Variants in ABCA9 observed in about 807,000 individuals in gnomAD.
ABCA9 encodes the protein ATP-binding cassette sub-family A member 9.
Under a neutral mutation model 205.3 loss-of-function variants are expected in ABCA9, and 183 were observed. That is an observed-to-expected ratio of 0.89 (90% confidence interval 0.79 to 1.01). ABCA9 has a LOEUF of 1.01. ABCA9 is among the 50% of genes least tolerant of loss of function. ABCA9 has a pLI of 0.00. For synonymous variants in ABCA9, 651 were observed against 683.3 expected (o/e 0.95, Z 0.74); for missense variants, 1,805 against 1,912.4 (o/e 0.94, Z 1.05).
chr17:69,019,504 C>T (rs968410315), intron 19 of ABCA9, among the ~76,000 whole-genome samples: 1 of 152,070 alleles, frequency 6.6e-6, no homozygotes, highest in Non-Finnish European at 1.5e-5. Flanking sequence ...TCAAAATCTC[C>T]CTGAGCTTTC....
At chr17:69,056,617 C>G (rs1335281178) in intron 1 of ABCA9, among the ~76,000 whole-genome samples, 1 of 152,174 alleles carries the variant, frequency 6.6e-6, no homozygotes, top group Non-Finnish European at 1.5e-5. Flanking sequence ...TTTCAACACT[C>G]TACAATCTCT....
At chr17:69,048,884 G>A (rs2071808175) in intron 3 of ABCA9, among the ~76,000 whole-genome samples, 1 of 152,072 alleles carries the variant, frequency 6.6e-6, no homozygotes, top group South Asian at 2.1e-4. Context: ...ATACTTTGTG[G>A]TACAAGGAAA....
intron 37 of ABCA9, among the ~76,000 whole-genome samples, chr17:68,979,473 C>T (rs1175489684): frequency 2.7e-5 from 4 of 150,808 alleles, no homozygotes. Context: ...CCTGCATTGC[C>T]AAGTCAATCC....
chr17:69,005,641 TTTTC>T (rs1337765551), intron 25 of ABCA9, among the ~76,000 whole-genome samples: 1 of 152,240 alleles, frequency 6.6e-6, no homozygotes, highest in Non-Finnish European at 1.5e-5. Flanking sequence ...TCCACTTCGG[TTTTC>T]TTTGTTTCGT....
intron 22 of ABCA9, among the ~76,000 whole-genome samples, chr17:69,014,304 T>C (rs2070498405): frequency 6.6e-6 from 1 of 152,144 alleles, no homozygotes; most frequent in African/African-American, 2.4e-5. Context: ...ACACAGAGTT[T>C]ATTAAAAACA....
chr17:68,984,933 A>G lies in ABCA9; in HGVS notation c.4331T>C (p.Leu1444Pro), dbSNP rs781705697. Reference protein sequence around the residue: ...SILGNPSVVLLDEPSTGMDPE... With the variant: ...SILGNPSVVLPDEPSTGMDPE... ...GTCCATCCCGGTCGACGGCTCATCC[A>G]GAAGCACCACTGACGGGTTCCCCAG... The change falls in exon 34 of 39, where the codon CTG becomes CCG. Residue 1444 changes from leucine (L) to proline (P), a missense_variant. Transcript: ENST00000340001. The G allele has an allele frequency of 1.2e-6, 2 of 1,614,166 alleles. No individual in the cohort carries two copies. The highest frequency in any genetic ancestry group is 1.7e-6 in the Non-Finnish European group (2 of 1,180,032).
Position 69,043,583 on chromosome 17 carries a change from T to G in ABCA9, c.706A>C (p.Thr236Pro), listed in dbSNP as rs1400818231. The change falls in exon 6 of 39, where the codon ACA becomes CCA. Residue 236 changes from threonine (T) to proline (P), a missense_variant. Thr to Pro is a conservative substitution (Grantham distance 38). Transcript: ENST00000340001. ...FIFFCIISFS[T>P]FIYYVSVNVT... ...TTGACTGATACATAGTATATAAATG[T>G]AGAAAAAGAAATAATGCAAAAGAAA... The G allele has an allele frequency of 1.2e-6, 2 of 1,612,440 alleles. No homozygotes were observed. The highest frequency in any genetic ancestry group is 1.7e-6 in the Non-Finnish European group (2 of 1,179,168).
Position 69,024,187 on chromosome 17 carries a change from C to T in ABCA9, c.2281+27G>A, listed in dbSNP as rs10512522. 0.01 allele frequency: 16,562 copies of T among 1,609,148 alleles called. 1,345 individuals are homozygous for T. In the African/African-American group the frequency reaches 0.19, roughly 18 times the overall value. The stretch of plus-strand genomic sequence containing the variant: ...ATTGTTAATAACACCATTCCAAAAC[C>T]ATTCTGTCATCTTTACATTTTGTTA... On this transcript the variant is annotated intron_variant, in intron 17 of 38. Transcript: ENST00000340001.
intron 35 of ABCA9, 70 bp from the exon 36 acceptor site, chr17:68,983,919 T>A: frequency 6.2e-7 from 1 of 1,607,732 alleles, no homozygotes; most frequent in African/African-American, 1.3e-5. Context: ...GTTCAGCCTC[T>A]GGAGGCCAGA....
intron 10 of ABCA9, among the ~76,000 whole-genome samples, chr17:69,031,322 T>C (rs926906614): frequency 7.2e-5 from 11 of 152,184 alleles, no homozygotes; most frequent in Non-Finnish European, 1.3e-4. Flanking sequence ...CTTGAAAAGA[T>C]TGCTATGTTT....
the ABCA9 span, among the ~76,000 whole-genome samples, chr17:69,066,609 G>GT: frequency 1.1e-3 from 169 of 147,210 alleles, no homozygotes; most frequent in East Asian, 3.1e-3. Flanking sequence ...GATGGGACAG[G>GT]TTTTTTTTTT....
intron 6 of ABCA9, 196 bp downstream of exon 6, chr17:69,043,293 G>T (rs2071606459): frequency 5.8e-6 from 3 of 519,462 alleles, no homozygotes; most frequent in East Asian, 3.2e-5. Context: ...GAGCAATAGG[G>T]AGTGGCTGTA....
chr17:68,984,092 C>T lies in ABCA9; in HGVS notation c.4463G>A (p.Cys1488Tyr), dbSNP rs1295343011. Residue 1488 changes from cysteine to tyrosine, a missense_variant, in exon 35 of 39, where the codon TGT (cysteine) becomes TAT (tyrosine). By Grantham distance (194) the Cys-to-Tyr change is radical (BLOSUM62 -2). Transcript: ENST00000340001. ...TGACACCATGATGGCCACTCGGTCACACACCGCCTCAGCCTCTGCCATGTA... is the reference window on the plus strand; with the variant it reads ...TGACACCATGATGGCCACTCGGTCATACACCGCCTCAGCCTCTGCCATGTA... ...THYMAEAEAV[C>Y]DRVAIMVSGR... 6.2e-7 allele frequency: 1 copy of T among 1,614,176 alleles called. No homozygotes were observed. Among genetic ancestry groups the T allele is most frequent in the Non-Finnish European group, 8.5e-7 (1 of 1,180,030 alleles).
chr17:69,033,970 A>T, intron 8 of ABCA9, 97 bp from the exon 9 acceptor site: 1 of 985,550 alleles, frequency 1.0e-6, no homozygotes, highest in South Asian at 1.6e-5. Context: ...GCAAAGATAA[A>T]TAAGATATAA....
In ABCA9 at chr17:69,016,252, C is replaced by G. The variant is rs1020596228; in HGVS notation, c.3039+1G>C. 1.3e-6 allele frequency: 2 copies of G among 1,568,264 alleles called. No homozygotes were observed. Among genetic ancestry groups the G allele is most frequent in the East Asian group, 2.3e-5 (1 of 42,764 alleles). ...TATAAATGAGATATAATTATACTTA[C>G]TTCAAAAAATGTGCTTCTGTCAGTC... On this transcript the variant is annotated splice_donor_variant, in intron 22 of 38. Coordinates refer to ENST00000340001, the MANE Select transcript of ABCA9 (RefSeq NM_080283.4). LOFTEE classifies it high-confidence loss of function.
At chr17:68,981,968 C>T (rs1411336211) in intron 37 of ABCA9, among the ~76,000 whole-genome samples, 1 of 149,454 alleles carries the variant, frequency 6.7e-6, no homozygotes, top group Non-Finnish European at 1.5e-5. Context: ...CATACACTAA[C>T]ATGACAGGGA....
chr17:68,989,700 C>T, intron 30 of ABCA9, 113 bp downstream of exon 30: 1 of 677,348 alleles, frequency 1.5e-6, no homozygotes, highest in Non-Finnish European at 2.6e-6. Context: ...GAGGAGCAGG[C>T]TTAGCCTGCT....
intron 22 of ABCA9, 108 bp downstream of exon 22, chr17:69,016,145 A>C (rs2070601572): frequency 3.2e-6 from 2 of 631,472 alleles, no homozygotes; most frequent in Non-Finnish European, 4.8e-6. Flanking sequence ...CACACACACA[A>C]GTTTAAGAAT....
chr17:68,991,106 T>A, intron 28 of ABCA9, 149 bp from the exon 29 acceptor site: 1 of 872,232 alleles, frequency 1.1e-6, no homozygotes, highest in Non-Finnish European at 1.7e-6. Context: ...CATCCGCCTT[T>A]CAAACACCCT....
Sources: gnomAD v4.1 joint callset for allele counts (sites outside exome capture counted in the v4.1 genomes callset) on GRCh38, gnomAD v4.1.1 for gene constraint, MANE v1.5 for transcripts, NCBI Gene and HGNC (gene_info 2026-07-23, HGNC 2026-07-21) for gene names.